TRPC4: variants seen among roughly 807,000 people sequenced by gnomAD.
TRPC4 encodes the protein transient receptor potential cation channel subfamily C member 4.
A neutral mutation model predicts 99.4 loss-of-function variants in TRPC4; 49 were observed. The observed-to-expected ratio is 0.49, with a 90% CI of 0.39 to 0.63. TRPC4 has a LOEUF of 0.63. TRPC4 is among the 20% of genes least tolerant of loss of function. The pLI is 0.00. For missense variants in TRPC4, 898 were observed against 1,152.9 expected (o/e 0.78, Z 3.20); for synonymous variants, 454 against 425.9 (o/e 1.07, Z -0.81).
At chr13:37,682,213 T>C (rs1031288285) in intron 4 of TRPC4, among the ~76,000 whole-genome samples, 9 of 152,308 alleles carry the variant, frequency 5.9e-5, no homozygotes, top group Non-Finnish European at 1.3e-4. Flanking sequence ...GGGTCTCTTA[T>C]TTAAGCCGCA....
intron 5 of TRPC4, among the ~76,000 whole-genome samples, chr13:37,664,775 TA>T (rs1952580947): frequency 6.6e-6 from 1 of 152,198 alleles, no homozygotes; most frequent in African/African-American, 2.4e-5. Context: ...TAATGTTTTT[TA>T]TTCTTTTTAT....
At chr13:37,709,047 C>T (rs1216701513) in intron 3 of TRPC4, among the ~76,000 whole-genome samples, 2 of 152,014 alleles carry the variant, frequency 1.3e-5, no homozygotes, top group Non-Finnish European at 2.9e-5. Flanking sequence ...ATATCCACCT[C>T]TAACTGAAGC....
chr13:37,746,501 C>G (rs763110997), intron 2 of TRPC4, 46 bp from the exon 3 acceptor site: 1 of 1,534,720 alleles, frequency 6.5e-7, no homozygotes, highest in Non-Finnish European at 8.7e-7. Flanking sequence ...TTCTTTTGTT[C>G]AAGTCTGTGA....
intron 3 of TRPC4, among the ~76,000 whole-genome samples, chr13:37,715,026 A>T (rs1387263005): frequency 6.6e-6 from 1 of 152,220 alleles, no homozygotes. Flanking sequence ...ATGTGTGTGC[A>T]TAAATAAATT....
At chr13:37,733,125 T>A (rs1021203927) in intron 3 of TRPC4, among the ~76,000 whole-genome samples, 4 of 152,088 alleles carry the variant, frequency 2.6e-5, no homozygotes, top group African/African-American at 9.7e-5. Flanking sequence ...ATTCAAAAAT[T>A]AGCCCCGTGT....
At chr13:37,667,361 C>T (rs747281107) in intron 5 of TRPC4, among the ~76,000 whole-genome samples, 2 of 152,204 alleles carry the variant, frequency 1.3e-5, no homozygotes, top group East Asian at 3.9e-4. Context: ...GGCTGGAGTA[C>T]AGTGCCGCAA....
At chr13:37,855,812 A>G (rs1166855022) in intron 1 of TRPC4, among the ~76,000 whole-genome samples, 1 of 151,944 alleles carries the variant, frequency 6.6e-6, no homozygotes, top group African/African-American at 2.4e-5. Flanking sequence ...TAAGAAGGAA[A>G]TTGAAAGATA....
chr13:37,637,993 T>G (rs2138521538), intron 10 of TRPC4, among the ~76,000 whole-genome samples: 1 of 152,282 alleles, frequency 6.6e-6, no homozygotes, highest in Admixed American at 6.5e-5. Context: ...TATAAGATTT[T>G]TAATATTGGC....
chr13:37,667,961 C>T (rs567086156), intron 5 of TRPC4, among the ~76,000 whole-genome samples: 3 of 152,238 alleles, frequency 2.0e-5, no homozygotes, highest in East Asian at 1.9e-4. Context: ...GCACTGTCTT[C>T]GGGGTTCATG....
At chr13:37,865,817 G>A (rs376021308) in intron 1 of TRPC4, among the ~76,000 whole-genome samples, 7 of 151,708 alleles carry the variant, frequency 4.6e-5, no homozygotes, top group South Asian at 2.1e-4. Flanking sequence ...TTCCCACAAA[G>A]CAATTTTGTG....
intron 2 of TRPC4, among the ~76,000 whole-genome samples, chr13:37,776,487 T>C (rs1319571535): frequency 6.6e-6 from 1 of 151,824 alleles, no homozygotes; most frequent in Non-Finnish European, 1.5e-5. Context: ...ATTTTGATGT[T>C]ACCTAAGTTA....
At chr13:37,658,241 A>T (rs1952309190) in intron 6 of TRPC4, among the ~76,000 whole-genome samples, 1 of 152,216 alleles carries the variant, frequency 6.6e-6, no homozygotes, top group Non-Finnish European at 1.5e-5. Flanking sequence ...ATTAAGTGAC[A>T]TTTAGTATAA....
At chr13:37,702,875 C>T (rs1479176205) in intron 3 of TRPC4, among the ~76,000 whole-genome samples, 1 of 152,094 alleles carries the variant, frequency 6.6e-6, no homozygotes, top group African/African-American at 2.4e-5. Context: ...CATATTTTAG[C>T]TGGAATAAAA....
chr13:37,747,346 A>G (rs1399063639), intron 2 of TRPC4, among the ~76,000 whole-genome samples: 1 of 152,136 alleles, frequency 6.6e-6, no homozygotes, highest in African/African-American at 2.4e-5. Context: ...TACTTTAAAG[A>G]CCTTATATAA....
intron 2 of TRPC4, among the ~76,000 whole-genome samples, chr13:37,757,332 T>C (rs1471508852): frequency 6.6e-6 from 1 of 152,022 alleles, no homozygotes; most frequent in African/African-American, 2.4e-5. Flanking sequence ...TAGAAGTCAG[T>C]AAAACTAAAG....
chr13:37,651,070 G>A (rs1379941126), intron 8 of TRPC4, among the ~76,000 whole-genome samples, 195 bp downstream of exon 8: 1 of 152,188 alleles, frequency 6.6e-6, no homozygotes, highest in African/African-American at 2.4e-5. Flanking sequence ...TGCCCTCGAT[G>A]CAGGAAATTC....
chr13:37,699,006 T>A (rs1954015245), intron 3 of TRPC4, among the ~76,000 whole-genome samples: 1 of 152,202 alleles, frequency 6.6e-6, no homozygotes, highest in Admixed American at 6.5e-5. Flanking sequence ...ATTATATATT[T>A]GGATATTGTA....
intron 3 of TRPC4, among the ~76,000 whole-genome samples, chr13:37,728,234 A>C (rs1280446453): frequency 6.6e-6 from 1 of 152,020 alleles, no homozygotes; most frequent in African/African-American, 2.4e-5. Context: ...CACCAGGAAG[A>C]AAAAAGTAAA....
intron 4 of TRPC4, among the ~76,000 whole-genome samples, chr13:37,675,984 T>TAAG (rs1953030859): frequency 6.6e-6 from 1 of 152,154 alleles, no homozygotes; most frequent in Non-Finnish European, 1.5e-5. Flanking sequence ...CCCTAAGCTG[T>TAAG]GGCATATGAT....
Sources: allele counts gnomAD v4.1 joint callset (sites outside exome capture counted in the v4.1 genomes callset), GRCh38; gene constraint gnomAD v4.1.1; transcripts MANE v1.5; gene names NCBI Gene and HGNC (gene_info 2026-07-23, HGNC 2026-07-21).